Variants in RYR2 observed in about 807,000 individuals in gnomAD.
RYR2 encodes the protein cardiac muscle ryanodine receptor-calcium release channel.
Under a neutral mutation model 601.1 loss-of-function variants are expected in RYR2, and 227 were observed. The ratio of observed to expected loss-of-function variants is 0.38; its 90% CI spans 0.34 to 0.42. The LOEUF (loss-of-function observed/expected upper bound fraction) is 0.42, where lower values mean the gene tolerates loss of function less well. Ranked by LOEUF, RYR2 falls within the 10% of genes least tolerant of loss-of-function variation. The probability of loss-of-function intolerance (pLI) is 1.00; values close to 1 mark genes in which losing one functional copy is unlikely to be tolerated. For missense variants in RYR2, 4,646 were observed against 6,156.5 expected, an observed-to-expected ratio of 0.75 and a Z score of 8.21; for synonymous variants, 2,223 against 2,175.1, an observed-to-expected ratio of 1.02 and a Z score of -0.61.
chr1:237,815,805 T>C (rs774037754), intron 100 of RYR2, among the ~76,000 whole-genome samples: 4 of 152,174 alleles, frequency 2.6e-5, no homozygotes, highest in Non-Finnish European at 5.9e-5. Context: ...TTAACCAGTA[T>C]TACATAAGCC....
chr1:237,805,576 G>T (rs202110888), intron 98 of RYR2, among the ~76,000 whole-genome samples: 45 of 91,426 alleles, frequency 4.9e-4, no homozygotes, highest in East Asian at 1.7e-3. Flanking sequence ...GCTAGACTCT[G>T]TCTCAAAAAA....
At chr1:237,066,583 C>A (rs1663644725) in intron 1 of RYR2, among the ~76,000 whole-genome samples, 2 of 8,988 alleles carry the variant, frequency 2.2e-4, no homozygotes, top group Non-Finnish European at 7.4e-4. Context: ...ATTTGCTTTT[C>A]CCTAATGGTT....
Position 237,784,936 on chromosome 1 carries a change from C to T in RYR2, c.13224C>T (p.Asn4408=), listed in dbSNP as rs781769630. The change falls in exon 90 of 105, where the codon AAC becomes AAT. Residue 4408 remains asparagine, a synonymous_variant. Coordinates refer to ENST00000366574, the MANE Select transcript of RYR2 (RefSeq NM_001035.3). This position sits in a 1 kb window ranked among gnomAD's most constrained non-coding sequence, Gnocchi z 7.1. ...PNAGLSDLMS[N]PVPMPEVQEK... ...CTGGGCTCAGTGACCTCATGAGCAACCCAGTCCCCATGCCTGAGGTGCAGG... is the reference window on the plus strand; with the variant it reads ...CTGGGCTCAGTGACCTCATGAGCAATCCAGTCCCCATGCCTGAGGTGCAGG... 3 of 1,604,936 alleles carry T rather than the reference C, an allele frequency of 1.9e-6. No homozygotes were observed. Among genetic ancestry groups the T allele is most frequent in the South Asian group, 1.1e-5 (1 of 89,584 alleles).
intron 1 of RYR2, among the ~76,000 whole-genome samples, chr1:237,201,159 A>T (rs1681149764): frequency 6.6e-6 from 1 of 152,220 alleles, no homozygotes; most frequent in Non-Finnish European, 1.5e-5. Flanking sequence ...ATTGACAATG[A>T]CTAGACCAAG....
chr1:237,670,091 G>A (rs1470355281), intron 58 of RYR2, among the ~76,000 whole-genome samples: 6 of 151,892 alleles, frequency 4.0e-5, no homozygotes, highest in South Asian at 2.1e-4. Context: ...GCTGGAGACC[G>A]GCCTGGCCAA....
intron 54 of RYR2, among the ~76,000 whole-genome samples, chr1:237,658,303 G>C (rs1683444002): frequency 3.5e-5 from 3 of 86,854 alleles, no homozygotes; most frequent in African/African-American, 8.8e-5. Context: ...GTTTATCAGA[G>C]TAAAAAAGCA....
intron 1 of RYR2, among the ~76,000 whole-genome samples, chr1:237,104,940 C>G (rs572074026): frequency 6.6e-6 from 1 of 152,312 alleles, no homozygotes; most frequent in South Asian, 2.1e-4. Context: ...CCTTCTCCCT[C>G]GAGGTCTTCT....
intron 84 of RYR2, among the ~76,000 whole-genome samples, chr1:237,765,002 T>C (rs1005120918): frequency 2.6e-5 from 4 of 152,032 alleles, no homozygotes; most frequent in Non-Finnish European, 5.9e-5. Context: ...CTTTTTATAC[T>C]AAGTTTCTCT....
intron 4 of RYR2, among the ~76,000 whole-genome samples, chr1:237,359,264 T>C (rs1699570772): frequency 6.6e-6 from 1 of 152,200 alleles, no homozygotes; most frequent in African/African-American, 2.4e-5. Flanking sequence ...TGTAATTTAT[T>C]GAATACTATA....
At chr1:237,298,636 C>T (rs1335426406) in intron 2 of RYR2, among the ~76,000 whole-genome samples, 2 of 152,046 alleles carry the variant, frequency 1.3e-5, no homozygotes, top group Non-Finnish European at 2.9e-5. Context: ...AGCAACATAA[C>T]AGAGTTATGT....
chr1:237,651,414 A>G lies in RYR2; in HGVS notation c.7737A>G (p.Gln2579=). The G allele has an allele frequency of 6.3e-7, 1 of 1,591,070 alleles. No individual in the cohort carries two copies. The highest frequency in any genetic ancestry group is 8.6e-7 in the Non-Finnish European group (1 of 1,166,790). The change falls in exon 51 of 105, where the codon CAA becomes CAG. Residue 2579 remains glutamine, a synonymous_variant. Coordinates refer to ENST00000366574, the MANE Select transcript of RYR2 (RefSeq NM_001035.3). ...IEVCLLSICG[Q]LRPSMMQHLL... ...AACATTAGCTTTGTTCCAACAGACAACTGAGACCTTCTATGATGCAGCACT... is the reference window on the plus strand; with the variant it reads ...AACATTAGCTTTGTTCCAACAGACAGCTGAGACCTTCTATGATGCAGCACT...
Position 237,703,648 on chromosome 1 carries a change from A to C in RYR2, c.9450-1565A>C, listed in dbSNP as rs1688140415. Among the ~76,000 whole-genome samples, 3 of 148,702 alleles carry C rather than the reference A, an allele frequency of 2.0e-5. No individual in the cohort carries two copies. In the Admixed American group the frequency reaches 2.0e-4, roughly 10 times the overall value. ...TATATAAAAATTATATACAGATAGC[A>C]TTTTATGACATGGTAATGTTGAATT... On this transcript the variant is annotated intron_variant, in intron 66 of 104. Coordinates refer to ENST00000366574, the MANE Select transcript of RYR2 (RefSeq NM_001035.3).
chr1:237,307,856 A>G (rs1478900701), intron 2 of RYR2, among the ~76,000 whole-genome samples: 1 of 152,250 alleles, frequency 6.6e-6, no homozygotes, highest in Non-Finnish European at 1.5e-5. Context: ...AGTATACAAT[A>G]ACAACATTGT....
chr1:237,470,150 CTT>C (rs1300397197), intron 17 of RYR2, among the ~76,000 whole-genome samples: 1 of 152,276 alleles, frequency 6.6e-6, no homozygotes, highest in East Asian at 1.9e-4. Context: ...TAGTAATGAA[CTT>C]CTTGAAGATA....
rs887092401 is a variant in RYR2, at chr1:237,103,375, C to A, written c.48+60806C>A. Among the ~76,000 whole-genome samples, 5 of 152,216 alleles carry A rather than the reference C, an allele frequency of 3.3e-5. 1 individual carries two copies. The highest frequency in any genetic ancestry group is 4.4e-5 in the Non-Finnish European group (3 of 68,044). ...TGCTGCCCAGGGCATGCAACTTGAC[C>A]TTAGCACAACCAATCCTCCTGTAGC... On this transcript the variant is annotated intron_variant, in intron 1 of 104. Transcript: ENST00000366574.
At chr1:237,433,772 A>C (rs914438722) in intron 12 of RYR2, among the ~76,000 whole-genome samples, 1 of 152,202 alleles carries the variant, frequency 6.6e-6, no homozygotes, top group Admixed American at 6.5e-5. Flanking sequence ...AACACTTTTT[A>C]AAAAATGACG....
At chr1:237,713,931 T>A (rs1404025465) in intron 71 of RYR2, among the ~76,000 whole-genome samples, 1 of 152,016 alleles carries the variant, frequency 6.6e-6, no homozygotes, top group Admixed American at 6.6e-5. Context: ...CAAAAAAGTA[T>A]CTTTTTATAG....
In RYR2 at chr1:237,830,997, T is replaced by C. The variant is rs577180801; in HGVS notation, c.14756+367T>C. ...TACAGATCTTAAGAGGACTTTCAGA[T>C]CTCGTCAGGCACTGTTGGATACCAA... is the stretch of plus-strand genomic sequence containing the variant. On this transcript the variant is annotated intron_variant, in intron 103 of 104. Coordinates refer to ENST00000366574, the MANE Select transcript of RYR2 (RefSeq NM_001035.3). 8.5e-5 allele frequency among the ~76,000 whole-genome samples: 13 copies of C among 152,234 alleles called. No homozygotes were observed. In the East Asian group the frequency reaches 1.5e-3, roughly 18 times the overall value.
intron 1 of RYR2, among the ~76,000 whole-genome samples, chr1:237,064,566 G>GTTA (rs1262874697): frequency 2.6e-5 from 4 of 152,002 alleles, no homozygotes; most frequent in African/African-American, 7.2e-5. Flanking sequence ...TCTAGATGAT[G>GTTA]TTATCTTCTT....
Sources: gnomAD v4.1 joint callset for allele counts (sites outside exome capture counted in the v4.1 genomes callset) on GRCh38, gnomAD v4.1.1 for gene constraint, Gnocchi (gnomAD v3.1) non-coding constraint, MANE v1.5 for transcripts, NCBI Gene and HGNC (gene_info 2026-07-23, HGNC 2026-07-21) for gene names.